The following SLC16A13 variants were observed in gnomAD, a reference collection of about 807,000 sequenced individuals.
SLC16A13 encodes solute carrier family 16 member 13.
Under a neutral mutation model 28.1 loss-of-function variants are expected in SLC16A13, and 28 were observed. That is an observed-to-expected ratio of 1.00 (90% CI 0.74 to 1.37). The LOEUF (loss-of-function observed/expected upper bound fraction) is 1.37, where lower values mean the gene tolerates loss of function less well. Among genes scored for constraint, SLC16A13 ranks in the 40% most tolerant of loss-of-function variants. The pLI is 0.00. For missense variants in SLC16A13, 482 were observed against 531.8 expected, an observed-to-expected ratio of 0.91 and a Z score of 0.92; for synonymous variants, 228 against 241.6, an observed-to-expected ratio of 0.94 and a Z score of 0.52.
Position 7,038,214 on chromosome 17 carries a change from C to T in SLC16A13, c.406C>T (p.Arg136Ter), listed in dbSNP as rs894221932. The T allele has an allele frequency of 1.3e-5, 21 of 1,614,002 alleles. No individual in the cohort carries two copies. Among genetic ancestry groups the T allele is most frequent in the African/African-American group, 8.0e-5 (6 of 74,906 alleles). Residue 136 changes from arginine to a stop codon, truncating the protein, a stop_gained, in exon 3 of 4, where the codon CGA (arginine) becomes TGA (stop). Coordinates refer to ENST00000308027, the MANE Select transcript of SLC16A13 (RefSeq NM_201566.3). LOFTEE classifies it high-confidence loss of function. This position sits in a 1 kb window ranked among gnomAD's most constrained non-coding sequence, Gnocchi z 5.7. ...CTGCCTGTCCTGTTATTTCTCTCGC[C>T]GACGATCCCTGGCCACCGGGCTGGC... ...LACLSCYFSR[R>*]RSLATGLALT... is the part of the protein sequence containing the mutation.
chr17:7,040,047 T>C lies in SLC16A13; in HGVS notation c.*85T>C. On this transcript the variant is annotated 3_prime_UTR_variant, in exon 4 of 4. Transcript: ENST00000308027. Reference sequence around the variant, plus strand: ...CGTCTTGGTCTCCACAGAACCACAGTGCCTTAAGATTCTTGATCTGCCTCC... The same window carrying C: ...CGTCTTGGTCTCCACAGAACCACAGCGCCTTAAGATTCTTGATCTGCCTCC... 8.0e-7 allele frequency: 1 copy of C among 1,256,156 alleles called. No homozygotes were observed. Among genetic ancestry groups the C allele is most frequent in the Non-Finnish European group, 1.1e-6 (1 of 889,266 alleles). 77.8% of individuals were successfully genotyped at this position (1,256,156 alleles called of 1,614,324 possible). A position where few individuals can be genotyped will look rare whatever the true frequency, so the allele number is the denominator to read the frequency against.
At position 7,039,616 on chromosome 17, in the gene SLC16A13, C is replaced by A. The variant is rs1910669320; in HGVS notation, c.1082-147C>A. On this transcript the variant is annotated intron_variant, in intron 3 of 3. Coordinates refer to ENST00000308027, the MANE Select transcript of SLC16A13 (RefSeq NM_201566.3). The surrounding 1 kb of genome is among the most constrained non-coding windows in gnomAD (Gnocchi z 4.3). Reference sequence around the variant, plus strand: ...TAACTTTTGAGGCCCTTTTGGGAAACCAGAGTTCTTAAGTTTATCCAACTA... The same window carrying A: ...TAACTTTTGAGGCCCTTTTGGGAAAACAGAGTTCTTAAGTTTATCCAACTA... 20 of 836,356 alleles carry A rather than the reference C, an allele frequency of 2.4e-5. 1 individual carries two copies. In the South Asian group the frequency reaches 3.5e-4, roughly 15 times the overall value. The allele number at this position is 836,356 out of a possible 1,614,324, so 51.8% of individuals were successfully genotyped here.
chr17:7,040,111 A>C lies in SLC16A13; in HGVS notation c.*149A>C. ...CTGGGGCTCCTGCAATGTGTGTGCC[A>C]ACCCTTTGTATTTTGTTGAGGACTC... is the stretch of plus-strand genomic sequence containing the variant. On this transcript the variant is annotated 3_prime_UTR_variant, in exon 4 of 4. Coordinates refer to ENST00000308027, the MANE Select transcript of SLC16A13 (RefSeq NM_201566.3). 4 of 651,192 alleles carry C rather than the reference A, an allele frequency of 6.1e-6. No homozygotes were observed. Among genetic ancestry groups the C allele is most frequent in the Non-Finnish European group, 1.1e-5 (4 of 377,862 alleles). 40.3% of individuals were successfully genotyped at this position (651,192 alleles called of 1,614,324 possible).
chr17:7,038,113 C>T lies in SLC16A13; in HGVS notation c.344-39C>T, dbSNP rs766373649. On this transcript the variant is annotated intron_variant, in intron 2 of 3. Transcript: ENST00000308027. The surrounding 1 kb of genome is among the most constrained non-coding windows in gnomAD (Gnocchi z 5.7). ...CGGGGATTACTGTGTGCCTTGAGCTCCCTAAGAGTTCTCAACACCACTTCT... is the reference window on the plus strand; with the variant it reads ...CGGGGATTACTGTGTGCCTTGAGCTTCCTAAGAGTTCTCAACACCACTTCT... 6 of 1,582,990 alleles carry T rather than the reference C, an allele frequency of 3.8e-6. No individual in the cohort carries two copies. The highest frequency in any genetic ancestry group is 1.3e-5 in the African/African-American group (1 of 74,558).
Position 7,036,633 on chromosome 17 carries a change from A to C in SLC16A13, c.199+52A>C, listed in dbSNP as rs555827547. ...ACTGCGACCCTCGGAAGGGAGAGGG[A>C]ATGCGGCGACTGGGAAGTGGAAGGG... is the stretch of plus-strand genomic sequence containing the variant. On this transcript the variant is annotated intron_variant, in intron 1 of 3. Transcript: ENST00000308027. 5.6e-5 allele frequency: 90 copies of C among 1,609,932 alleles called. No homozygotes were observed. In the South Asian group the frequency reaches 7.9e-4, roughly 14 times the overall value.
chr17:7,037,516 G>A (rs1289709652), intron 2 of SLC16A13, among the ~76,000 whole-genome samples: 1 of 151,926 alleles, frequency 6.6e-6, no homozygotes, highest in Non-Finnish European at 1.5e-5. Context: ...CACGAGGTCA[G>A]GAGATCAAGA....
At chr17:7,037,039 G>A (rs1910599434) in intron 2 of SLC16A13, 169 bp downstream of exon 2, 2 of 860,648 alleles carry the variant, frequency 2.3e-6, no homozygotes, top group Admixed American at 5.7e-5. Flanking sequence ...AACATGGTGA[G>A]GAATTAGGAA....
At position 7,039,424 on chromosome 17, in the gene SLC16A13, C is replaced by G. The variant is rs930344753; in HGVS notation, c.1082-339C>G. Among the ~76,000 whole-genome samples, 1 of 149,456 alleles carries G rather than the reference C, an allele frequency of 6.7e-6. No homozygotes were observed. Among genetic ancestry groups the G allele is most frequent in the Non-Finnish European group, 1.5e-5 (1 of 67,746 alleles). On this transcript the variant is annotated intron_variant, in intron 3 of 3. Coordinates refer to ENST00000308027, the MANE Select transcript of SLC16A13 (RefSeq NM_201566.3). The surrounding 1 kb of genome is among the most constrained non-coding windows in gnomAD (Gnocchi z 4.3). The stretch of plus-strand genomic sequence containing the variant: ...GCAGTGAGCTGAGATCGCGCCACTG[C>G]ACTTCAGCCTGGGCGACAGAGCGAG...
At chr17:7,037,341 C>CAAAAAAAAAAAAAAAAAAA (rs57010713) in intron 2 of SLC16A13, among the ~76,000 whole-genome samples, 12 of 41,998 alleles carry the variant, frequency 2.9e-4, no homozygotes, top group African/African-American at 8.3e-4. Flanking sequence ...GATTCTGTCT[C>CAAAAAAAAAAAAAAAAAAA]AAAAAAAAAA....
intron 2 of SLC16A13, 190 bp downstream of exon 2, chr17:7,037,060 G>A: frequency 1.3e-6 from 1 of 754,296 alleles, no homozygotes; most frequent in Non-Finnish European, 2.1e-6. Context: ...ATTCAAGGAT[G>A]ATGAAACCTG....
In SLC16A13 at chr17:7,039,440, A is replaced by G. The variant is rs959690786; in HGVS notation, c.1082-323A>G. On this transcript the variant is annotated intron_variant, in intron 3 of 3. Coordinates refer to ENST00000308027, the MANE Select transcript of SLC16A13 (RefSeq NM_201566.3). This position sits in a 1 kb window ranked among gnomAD's most constrained non-coding sequence, Gnocchi z 4.3. Reference sequence around the variant, plus strand: ...GCGCCACTGCACTTCAGCCTGGGCGACAGAGCGAGACTCCGTCTCAAAAAA... The same window carrying G: ...GCGCCACTGCACTTCAGCCTGGGCGGCAGAGCGAGACTCCGTCTCAAAAAA... Among the ~76,000 whole-genome samples, 2 of 150,968 alleles carry G rather than the reference A, an allele frequency of 1.3e-5. No homozygotes were observed. The highest frequency in any genetic ancestry group is 4.9e-5 in the African/African-American group (2 of 40,874).
chr17:7,038,676 T>C lies in SLC16A13; in HGVS notation c.868T>C (p.Leu290=), dbSNP rs751645433. Residue 290 remains leucine (L), a synonymous_variant, in exon 3 of 4, where the codon TTG becomes CTG. Transcript: ENST00000308027. This position sits in a 1 kb window ranked among gnomAD's most constrained non-coding sequence, Gnocchi z 5.7. ...ACGACTCCTGATGCTCTGGACCACC[T>C]TGACTGGGGTGTCACTAGCCCTGTT... ...VTRLLMLWTT[L]TGVSLALFPV... 6.2e-7 allele frequency: 1 copy of C among 1,614,224 alleles called. No homozygotes were observed.
Position 7,039,835 on chromosome 17 carries a change from G to A in SLC16A13, c.1154G>A (p.Ser385Asn). ...GCTGGGGCCTTCCTTCTTTCAGGGAGTGGCATTCTCCTCACCCTGCCCCAC... is the reference window on the plus strand; with the variant it reads ...GCTGGGGCCTTCCTTCTTTCAGGGAATGGCATTCTCCTCACCCTGCCCCAC... Reference protein sequence around the residue: ...VVAGAFLLSGSGILLTLPHFF... With the variant: ...VVAGAFLLSGNGILLTLPHFF... The change falls in exon 4 of 4, where the codon AGT becomes AAT. Residue 385 changes from serine to asparagine, a missense_variant. Physicochemically the swap from Ser to Asn is conservative, Grantham distance 46 (BLOSUM62 1). Coordinates refer to ENST00000308027, the MANE Select transcript of SLC16A13 (RefSeq NM_201566.3). The surrounding 1 kb of genome is among the most constrained non-coding windows in gnomAD (Gnocchi z 4.3). The A allele has an allele frequency of 3.1e-6, 5 of 1,614,186 alleles. 1 individual carries two copies. The South Asian group carries it at 3.3e-5, about 11-fold the overall frequency.
At position 7,038,819 on chromosome 17, in the gene SLC16A13, G is replaced by C. The variant is rs1325927054; in HGVS notation, c.1011G>C (p.Arg337Ser). 6.2e-7 allele frequency: 1 copy of C among 1,613,930 alleles called. No homozygotes were observed. ...TGCCTGAACTAATAGGGACTAGAAG[G>C]ATTTACTGTGGCCTGGGACTGTTGC... ...SVLPELIGTR[R>S]IYCGLGLLQM... The change falls in exon 3 of 4, where the codon AGG becomes AGC. Residue 337 changes from arginine (R) to serine (S), a missense_variant. Physicochemically the swap from Arg to Ser is moderately radical, Grantham distance 110. Transcript: ENST00000308027. This position sits in a 1 kb window ranked among gnomAD's most constrained non-coding sequence, Gnocchi z 5.7.
Position 7,038,844 on chromosome 17 carries a change from C to T in SLC16A13, c.1036C>T (p.Gln346Ter), listed in dbSNP as rs1910651339. 2.5e-6 allele frequency: 4 copies of T among 1,613,440 alleles called. No individual in the cohort carries two copies. Among genetic ancestry groups the T allele is most frequent in the Non-Finnish European group, 3.4e-6 (4 of 1,179,794 alleles). ...RRIYCGLGLL[Q>*]MIESIGGLLG... ...GATTTACTGTGGCCTGGGACTGTTG[C>T]AGATGATAGAGAGCATCGGGGGGCT... is the stretch of plus-strand genomic sequence containing the variant. Residue 346 changes from glutamine to a stop codon, truncating the protein, a stop_gained, in exon 3 of 4, where the codon CAG (glutamine) becomes TAG (stop). Coordinates refer to ENST00000308027, the MANE Select transcript of SLC16A13 (RefSeq NM_201566.3). LOFTEE classifies it high-confidence loss of function. The surrounding 1 kb of genome is among the most constrained non-coding windows in gnomAD (Gnocchi z 5.7).
chr17:7,040,100 A>G lies in SLC16A13; in HGVS notation c.*138A>G. ...CTAGAGCAGGCCTGGGGCTCCTGCA[A>G]TGTGTGTGCCAACCCTTTGTATTTT... On this transcript the variant is annotated 3_prime_UTR_variant, in exon 4 of 4. Coordinates refer to ENST00000308027, the MANE Select transcript of SLC16A13 (RefSeq NM_201566.3). 1.4e-6 allele frequency: 1 copy of G among 690,286 alleles called. No homozygotes were observed. Among genetic ancestry groups the G allele is most frequent in the Non-Finnish European group, 2.5e-6 (1 of 407,822 alleles). 42.8% of individuals were successfully genotyped at this position (690,286 alleles called of 1,614,324 possible).
Position 7,039,154 on chromosome 17 carries a change from C to G in SLC16A13, c.1081+265C>G, listed in dbSNP as rs987188817. Among the ~76,000 whole-genome samples the G allele has an allele frequency of 6.6e-6, 1 of 152,166 alleles. No homozygotes were observed. Among genetic ancestry groups the G allele is most frequent in the Non-Finnish European group, 1.5e-5 (1 of 68,026 alleles). On this transcript the variant is annotated intron_variant, in intron 3 of 3. Coordinates refer to ENST00000308027, the MANE Select transcript of SLC16A13 (RefSeq NM_201566.3). The surrounding 1 kb of genome is among the most constrained non-coding windows in gnomAD (Gnocchi z 4.3). Reference sequence around the variant, plus strand: ...TGGGTTTGCAGAGGACCTGGCAGAACCTGGCCAGACACAGACGTAGCATTC... The same window carrying G: ...TGGGTTTGCAGAGGACCTGGCAGAAGCTGGCCAGACACAGACGTAGCATTC...
chr17:7,038,553 C>A lies in SLC16A13; in HGVS notation c.745C>A (p.Leu249Ile). ...AHLQDLDWDP[L>I]PAAFLLSVVA... ...TCTCCAGGACCTGGATTGGGACCCA[C>A]TACCTGCTGCCTTCCTACTCTCAGT... The change falls in exon 3 of 4, where the codon CTA (leucine) becomes ATA (isoleucine). Residue 249 changes from leucine to isoleucine, a missense_variant. Physicochemically the swap from Leu to Ile is conservative, Grantham distance 5 (BLOSUM62 2). Coordinates refer to ENST00000308027, the MANE Select transcript of SLC16A13 (RefSeq NM_201566.3). The surrounding 1 kb of genome is among the most constrained non-coding windows in gnomAD (Gnocchi z 5.7). 6.2e-7 allele frequency: 1 copy of A among 1,614,256 alleles called. No homozygotes were observed. The highest frequency in any genetic ancestry group is 8.5e-7 in the Non-Finnish European group (1 of 1,180,050).
rs1567733165 is a variant in SLC16A13, at chr17:7,039,778, T to C, written c.1097T>C (p.Val366Ala). Residue 366 changes from valine (V) to alanine (A), a missense_variant, in exon 4 of 4, where the codon GTG becomes GCG. Val to Ala is a moderately conservative substitution (Grantham distance 64, BLOSUM62 0). Transcript: ENST00000308027. This position sits in a 1 kb window ranked among gnomAD's most constrained non-coding sequence, Gnocchi z 4.3. ...TTGGACCTAGGCTACCTCCGGGATG[T>C]GACAGGCAACTACACGGCTTCTTTT... ...GPPLSGYLRDVTGNYTASFVV... is the reference protein window; with the variant it reads ...GPPLSGYLRDATGNYTASFVV... 2 of 1,614,108 alleles carry C rather than the reference T, an allele frequency of 1.2e-6. No individual in the cohort carries two copies. Among genetic ancestry groups the C allele is most frequent in the African/African-American group, 1.3e-5 (1 of 74,946 alleles).
Sources: allele counts gnomAD v4.1 joint callset (sites outside exome capture counted in the v4.1 genomes callset), GRCh38; gene constraint gnomAD v4.1.1; non-coding constraint Gnocchi (gnomAD v3.1); transcripts MANE v1.5; gene names NCBI Gene and HGNC (gene_info 2026-07-23, HGNC 2026-07-21).